Variants in COL21A1 observed in about 807,000 individuals in gnomAD.
The protein encoded by COL21A1 is collagen alpha-1(XXI) chain.
In COL21A1, 149 loss-of-function variants were observed where a neutral mutation model predicts 137.9. The observed-to-expected ratio is 1.08, with a 90% CI of 0.95 to 1.24. The LOEUF (loss-of-function observed/expected upper bound fraction) is 1.24. Among genes scored for constraint, COL21A1 ranks in the 50% most tolerant of loss-of-function variants. COL21A1 has a pLI of 0.00. For synonymous variants in COL21A1, 456 were observed against 391.5 expected (o/e 1.16, Z -1.95); for missense variants, 1,167 against 1,158.4 (o/e 1.01, Z -0.11).
chr6:56,364,456 T>C (rs530640807), intron 1 of COL21A1, among the ~76,000 whole-genome samples: 1 of 152,338 alleles, frequency 6.6e-6, no homozygotes, highest in South Asian at 2.1e-4. Flanking sequence ...AGGTTTCCCA[T>C]TTGTCTAGAA....
At chr6:56,117,743 G>A (rs1440990863) in intron 16 of COL21A1, among the ~76,000 whole-genome samples, 4 of 151,804 alleles carry the variant, frequency 2.6e-5, no homozygotes, top group South Asian at 4.1e-4. Context: ...CTTCTCTGAC[G>A]ATAATATAAT....
At chr6:56,364,742 A>ATC (rs1297853307) in intron 1 of COL21A1, among the ~76,000 whole-genome samples, 2 of 150,446 alleles carry the variant, frequency 1.3e-5, no homozygotes, top group Non-Finnish European at 2.9e-5. Flanking sequence ...GCTAGATGTT[A>ATC]TCTCTCTCTG....
chr6:56,385,090 G>T (rs1243372572), intron 1 of COL21A1, among the ~76,000 whole-genome samples: 1 of 152,224 alleles, frequency 6.6e-6, no homozygotes, highest in Non-Finnish European at 1.5e-5. Context: ...AGAAAGGGTA[G>T]CACCGCCAAC....
intron 20 of COL21A1, among the ~76,000 whole-genome samples, chr6:56,072,202 A>C (rs764808903): frequency 9.2e-5 from 14 of 151,414 alleles, no homozygotes; most frequent in Non-Finnish European, 1.8e-4. Context: ...TTTGCAGTCT[A>C]TCACTGATGG....
chr6:56,068,227 T>C (rs1278626509), intron 22 of COL21A1, among the ~76,000 whole-genome samples: 1 of 151,588 alleles, frequency 6.6e-6, no homozygotes, highest in Non-Finnish European at 1.5e-5. Context: ...AGGCACCATG[T>C]AGACAACACA....
At chr6:56,375,422 C>G (rs991105903) in intron 1 of COL21A1, among the ~76,000 whole-genome samples, 2 of 151,658 alleles carry the variant, frequency 1.3e-5, no homozygotes. Context: ...GAAAGTGAGT[C>G]TGAGATTATT....
At chr6:56,119,345 A>G (rs1406986908) in intron 16 of COL21A1, among the ~76,000 whole-genome samples, 1 of 152,004 alleles carries the variant, frequency 6.6e-6, no homozygotes, top group Non-Finnish European at 1.5e-5. Context: ...ATAAAATTAA[A>G]TATCTAAGAA....
At chr6:56,364,945 C>T (rs992563436) in intron 1 of COL21A1, among the ~76,000 whole-genome samples, 3 of 152,078 alleles carry the variant, frequency 2.0e-5, no homozygotes, top group African/African-American at 7.2e-5. Context: ...GAGTTGAATA[C>T]TCTATGAACT....
chr6:56,180,671 T>G (rs1024491837), intron 2 of COL21A1, among the ~76,000 whole-genome samples: 1 of 152,216 alleles, frequency 6.6e-6, no homozygotes, highest in Non-Finnish European at 1.5e-5. Context: ...GAACAAGTTA[T>G]AAGCAGTTGT....
intron 1 of COL21A1, among the ~76,000 whole-genome samples, chr6:56,269,625 A>T (rs2152332173): frequency 7.3e-6 from 1 of 136,980 alleles, no homozygotes; most frequent in Non-Finnish European, 1.5e-5. Context: ...ACTGCACTCC[A>T]GCCTGGGCGA....
At chr6:56,296,966 T>A (rs1040521378) in intron 1 of COL21A1, among the ~76,000 whole-genome samples, 1 of 152,050 alleles carries the variant, frequency 6.6e-6, no homozygotes, top group Non-Finnish European at 1.5e-5. Flanking sequence ...CCTAGGCTAT[T>A]ACCATCCATG....
chr6:56,217,880 G>GT (rs1328660731), intron 1 of COL21A1, among the ~76,000 whole-genome samples: 1 of 152,030 alleles, frequency 6.6e-6, no homozygotes, highest in Non-Finnish European at 1.5e-5. Context: ...AAAGCACCAG[G>GT]TATGTGATCC....
At chr6:56,061,607 G>A (rs560293663) in intron 25 of COL21A1, 42 bp downstream of exon 25, 54 of 1,461,352 alleles carry the variant, frequency 3.7e-5, no homozygotes, top group African/African-American at 1.1e-4. Flanking sequence ...AAAAAGGACC[G>A]AAGAAAGAGA....
intron 1 of COL21A1, among the ~76,000 whole-genome samples, chr6:56,331,337 G>C (rs894316830): frequency 6.6e-6 from 1 of 150,662 alleles, no homozygotes; most frequent in Non-Finnish European, 1.5e-5. Context: ...TTAGGTCTTT[G>C]TCATAAATTC....
chr6:56,281,177 G>A (rs1055704310), intron 1 of COL21A1, among the ~76,000 whole-genome samples: 4 of 152,092 alleles, frequency 2.6e-5, no homozygotes, highest in Admixed American at 2.0e-4. Context: ...TAATTGGAAA[G>A]ACATCAGAAA....
At chr6:56,305,344 C>T (rs1315265268) in intron 1 of COL21A1, among the ~76,000 whole-genome samples, 1 of 152,092 alleles carries the variant, frequency 6.6e-6, no homozygotes, top group Non-Finnish European at 1.5e-5. Flanking sequence ...GTTAAAGTCT[C>T]CCATGATTAT....
intron 16 of COL21A1, among the ~76,000 whole-genome samples, chr6:56,105,334 G>A (rs1487830299): frequency 6.6e-6 from 1 of 152,106 alleles, no homozygotes; most frequent in Non-Finnish European, 1.5e-5. Flanking sequence ...GCAACTCTTG[G>A]CACAGAAAGG....
Position 56,130,165 on chromosome 6 carries a change from TTATATATATATA to T in COL21A1, c.1543-4028_1543-4017del, listed in dbSNP as rs201644225. Among the ~76,000 whole-genome samples the T allele has an allele frequency of 3.3e-4, 36 of 107,942 alleles. 1 individual carries two copies. Among genetic ancestry groups the T allele is most frequent in the African/African-American group, 7.6e-4 (21 of 27,704 alleles). The allele number at this position is 107,942 out of a possible 152,430, so 70.8% of individuals were successfully genotyped here. A position where few individuals can be genotyped will look rare whatever the true frequency, so the allele number is the denominator to read the frequency against. The stretch of plus-strand genomic sequence containing the variant: ...CCCTGAGAGCATTCATGACAGGGTT[TTATATATATATA>T]TATATATATATATATATATATATAT... On this transcript the variant is annotated intron_variant, in intron 12 of 29. Transcript: ENST00000244728.
chr6:56,377,476 A>G (rs1444775925), intron 1 of COL21A1, among the ~76,000 whole-genome samples: 1 of 152,198 alleles, frequency 6.6e-6, no homozygotes, highest in African/African-American at 2.4e-5. Context: ...CTGTTACAGC[A>G]GAAAGGAAAA....
Sources: gnomAD v4.1 joint callset for allele counts (sites outside exome capture counted in the v4.1 genomes callset) on GRCh38, gnomAD v4.1.1 for gene constraint, MANE v1.5 for transcripts, NCBI Gene and HGNC (gene_info 2026-07-23, HGNC 2026-07-21) for gene names.